Variants in GRID1 observed in about 807,000 individuals in gnomAD.
GRID1 encodes glutamate receptor ionotropic, delta-1.
A neutral mutation model predicts 98.0 loss-of-function variants in GRID1; 28 were observed. That is an observed-to-expected ratio of 0.29 (90% CI 0.21 to 0.39). GRID1 has a LOEUF of 0.39. Among genes scored for constraint, GRID1 ranks in the 10% least tolerant of loss-of-function variants. The probability of loss-of-function intolerance (pLI) is 1.00; values close to 1 mark genes in which losing one functional copy is unlikely to be tolerated. For missense variants in GRID1, 1,111 were observed against 1,340.5 expected (o/e 0.83, Z 2.67); for synonymous variants, 553 against 538.5 (o/e 1.03, Z -0.37).
At chr10:85,845,024 T>G (rs983185259) in intron 8 of GRID1, among the ~76,000 whole-genome samples, 1 of 151,772 alleles carries the variant, frequency 6.6e-6, no homozygotes, top group African/African-American at 2.4e-5. Flanking sequence ...TCTTCTGATA[T>G]CAAGAACAAA....
chr10:85,803,682 A>G (rs1842597250), intron 8 of GRID1, among the ~76,000 whole-genome samples: 1 of 152,080 alleles, frequency 6.6e-6, no homozygotes, highest in Admixed American at 6.6e-5. Flanking sequence ...TGAAAATTAG[A>G]AAATATATTT....
chr10:85,763,884 T>C (rs955075440), intron 8 of GRID1, among the ~76,000 whole-genome samples: 1 of 152,166 alleles, frequency 6.6e-6, no homozygotes, highest in Non-Finnish European at 1.5e-5. Flanking sequence ...TCTAAGGCAC[T>C]TGGGAAATAA....
rs1203184000 is a variant in GRID1, at chr10:85,987,535, T to C, written c.727-71296A>G. Among the ~76,000 whole-genome samples the C allele has an allele frequency of 5.0e-5, 5 of 99,874 alleles. 1 individual carries two copies. Among genetic ancestry groups the C allele is most frequent in the African/African-American group, 2.0e-4 (5 of 25,358 alleles). 65.5% of individuals were successfully genotyped at this position (99,874 alleles called of 152,430 possible). ...CCCTAGCTATACCTTCCCCCCAACC[T>C]AATTACCCCTTTCCCTGCCAGCCTT... On this transcript the variant is annotated intron_variant, in intron 4 of 15. Transcript: ENST00000327946.
chr10:86,290,058 G>C (rs1198054309), intron 2 of GRID1, among the ~76,000 whole-genome samples: 2 of 152,232 alleles, frequency 1.3e-5, no homozygotes, highest in Admixed American at 6.5e-5. Flanking sequence ...CCTGAAGCTA[G>C]CCCATCCTTG....
chr10:86,250,022 T>A (rs573877040), intron 2 of GRID1, among the ~76,000 whole-genome samples: 1 of 151,320 alleles, frequency 6.6e-6, no homozygotes, highest in East Asian at 1.9e-4. Flanking sequence ...GATGGATGAA[T>A]GGGTGGGTAG....
Position 86,194,448 on chromosome 10 carries a change from C to G in GRID1, c.520+11916G>C, listed in dbSNP as rs58889540. On this transcript the variant is annotated intron_variant, in intron 3 of 15. Transcript: ENST00000327946. ...TGCCCGGGGCATGGTTCCCCTTCTGCGTCTGCAAAGCACTGTATCTGTGTG... is the reference window on the plus strand; with the variant it reads ...TGCCCGGGGCATGGTTCCCCTTCTGGGTCTGCAAAGCACTGTATCTGTGTG... 2.4e-3 allele frequency among the ~76,000 whole-genome samples: 372 copies of G among 152,200 alleles called. 1 individual carries two copies. Among genetic ancestry groups the G allele is most frequent in the African/African-American group, 8.4e-3 (351 of 41,558 alleles).
In GRID1 at chr10:86,187,378, G is replaced by A. The variant is rs189516995; in HGVS notation, c.520+18986C>T. ...GCAACCTGAGACATGGAGACATTGA[G>A]TACCTCACCCAAGTTCATGCTACCT... On this transcript the variant is annotated intron_variant, in intron 3 of 15. Coordinates refer to ENST00000327946, the MANE Select transcript of GRID1 (RefSeq NM_017551.3). Among the ~76,000 whole-genome samples, 247 of 152,324 alleles carry A rather than the reference G, an allele frequency of 1.6e-3. 3 individuals carry two copies. Among genetic ancestry groups the A allele is most frequent in the African/African-American group, 5.8e-3 (241 of 41,568 alleles).
At chr10:86,123,889 G>C (rs1283514562) in intron 4 of GRID1, among the ~76,000 whole-genome samples, 1 of 152,208 alleles carries the variant, frequency 6.6e-6, no homozygotes, top group East Asian at 1.9e-4. Context: ...CTGCGAACTT[G>C]CTCTGTGAGG....
chr10:85,754,342 T>C (rs1201709070), intron 8 of GRID1, among the ~76,000 whole-genome samples: 2 of 152,102 alleles, frequency 1.3e-5, no homozygotes, highest in African/African-American at 4.8e-5. Context: ...GTCACAGAAA[T>C]GAAGTATAGA....
At chr10:86,231,082 G>T (rs368121254) in intron 2 of GRID1, among the ~76,000 whole-genome samples, 1 of 152,314 alleles carries the variant, frequency 6.6e-6, no homozygotes, top group Non-Finnish European at 1.5e-5. Context: ...AACATCTGTG[G>T]TGGTGGCCAG....
chr10:85,791,504 C>A (rs543880669), intron 8 of GRID1, among the ~76,000 whole-genome samples: 4 of 152,208 alleles, frequency 2.6e-5, no homozygotes, highest in African/African-American at 9.6e-5. Context: ...GACCCTGGTC[C>A]CCAGTCCCTC....
chr10:85,716,370 A>G (rs1360517169), intron 12 of GRID1, among the ~76,000 whole-genome samples: 2 of 152,050 alleles, frequency 1.3e-5, no homozygotes, highest in African/African-American at 4.8e-5. Flanking sequence ...ATGAGAACAC[A>G]TGGACACAGG....
At chr10:85,878,838 G>C (rs1227905691) in intron 5 of GRID1, among the ~76,000 whole-genome samples, 1 of 151,016 alleles carries the variant, frequency 6.6e-6, no homozygotes, top group Non-Finnish European at 1.5e-5. Flanking sequence ...ATTGGATAAA[G>C]AGTCAAGACC....
At chr10:85,857,036 C>G (rs1351828065) in intron 6 of GRID1, among the ~76,000 whole-genome samples, 1 of 152,178 alleles carries the variant, frequency 6.6e-6, no homozygotes, top group African/African-American at 2.4e-5. Flanking sequence ...AGAAAGACCA[C>G]TCTGGTCGCC....
At chr10:85,862,946 A>G (rs1413572727) in intron 6 of GRID1, among the ~76,000 whole-genome samples, 2 of 152,148 alleles carry the variant, frequency 1.3e-5, no homozygotes, top group Non-Finnish European at 2.9e-5. Flanking sequence ...GCAGGGAAGC[A>G]GTGCTCAGAA....
At chr10:85,940,252 T>C (rs2131837970) in intron 4 of GRID1, among the ~76,000 whole-genome samples, 1 of 152,230 alleles carries the variant, frequency 6.6e-6, no homozygotes, top group African/African-American at 2.4e-5. Context: ...CCCAAGACTC[T>C]CTTGTTTTTT....
In GRID1 at chr10:86,002,414, C is replaced by T. The variant is rs895528254; in HGVS notation, c.727-86175G>A. On this transcript the variant is annotated intron_variant, in intron 4 of 15. Transcript: ENST00000327946. ...AGCTGCCCCTGAGTTGTATGTTTTC[C>T]TATAATACAGGCTGCACCTCTTTAT... Among the ~76,000 whole-genome samples, 7 of 152,244 alleles carry T rather than the reference C, an allele frequency of 4.6e-5. No individual in the cohort carries two copies. In the East Asian group the frequency reaches 1.4e-3, roughly 29 times the overall value.
intron 10 of GRID1, among the ~76,000 whole-genome samples, 197 bp from the exon 11 acceptor site, chr10:85,724,873 A>T (rs117688511): frequency 6.6e-6 from 1 of 152,320 alleles, no homozygotes; most frequent in East Asian, 1.9e-4. Context: ...TCACCTTACA[A>T]GTCTCTCTCT....
At position 86,206,185 on chromosome 10, in the gene GRID1, T is replaced by C. The variant is rs1331484192; in HGVS notation, c.520+179A>G. ...TGCTAGGCAACTTTATACCTATCTA[T>C]GGAGCTGTTGTTGCAGCTCTTCCTG... On this transcript the variant is annotated intron_variant, in intron 3 of 15. Coordinates refer to ENST00000327946, the MANE Select transcript of GRID1 (RefSeq NM_017551.3). This position sits in a 1 kb window ranked among gnomAD's most constrained non-coding sequence, Gnocchi z 4.1. Among the ~76,000 whole-genome samples, 3 of 152,234 alleles carry C rather than the reference T, an allele frequency of 2.0e-5. No individual in the cohort carries two copies. Among genetic ancestry groups the C allele is most frequent in the Admixed American group, 6.5e-5 (1 of 15,290 alleles).
Sources: gnomAD v4.1 joint callset for allele counts (sites outside exome capture counted in the v4.1 genomes callset) on GRCh38, gnomAD v4.1.1 for gene constraint, Gnocchi (gnomAD v3.1) non-coding constraint, MANE v1.5 for transcripts, NCBI Gene and HGNC (gene_info 2026-07-23, HGNC 2026-07-21) for gene names.